PADI1: variants seen among roughly 807,000 people sequenced by gnomAD.
The protein encoded by PADI1 is peptidyl arginine deiminase 1.
Under a neutral mutation model 74.8 loss-of-function variants are expected in PADI1, and 65 were observed. The observed-to-expected ratio is 0.87, with a 90% CI of 0.71 to 1.07. The LOEUF is 1.07. Ranked by LOEUF, PADI1 falls within the 50% of genes least tolerant of loss-of-function variation. PADI1 has a pLI of 0.00. For synonymous variants in PADI1, 371 were observed against 336.2 expected (o/e 1.10, Z -1.13); for missense variants, 943 against 854.0 (o/e 1.10, Z -1.30).
At chr1:17,215,111 G>C (rs1487452408) in intron 1 of PADI1, among the ~76,000 whole-genome samples, 1 of 152,146 alleles carries the variant, frequency 6.6e-6, no homozygotes, top group Non-Finnish European at 1.5e-5. Context: ...CTGGGCCTCA[G>C]ACCTGCATAG....
At chr1:17,227,890 A>G (rs574027058) in intron 6 of PADI1, among the ~76,000 whole-genome samples, 29 of 152,296 alleles carry the variant, frequency 1.9e-4, no homozygotes, top group African/African-American at 7.0e-4. Flanking sequence ...GAAATTCCCT[A>G]TCTGGATATT....
intron 6 of PADI1, among the ~76,000 whole-genome samples, chr1:17,226,420 G>C (rs1261103910): frequency 2.0e-5 from 3 of 152,170 alleles, no homozygotes; most frequent in Non-Finnish European, 4.4e-5. Context: ...TTCCAACCCA[G>C]GTGTCTTGGG....
chr1:17,229,512 C>A (rs185022698), intron 8 of PADI1, among the ~76,000 whole-genome samples: 1 of 152,232 alleles, frequency 6.6e-6, no homozygotes, highest in African/African-American at 2.4e-5. Flanking sequence ...TCATCATGCC[C>A]TTGAGGGAAG....
At chr1:17,221,882 C>CA (rs2072161175) in intron 1 of PADI1, among the ~76,000 whole-genome samples, 1 of 152,214 alleles carries the variant, frequency 6.6e-6, no homozygotes, top group South Asian at 2.1e-4. Flanking sequence ...AAAGGAACAA[C>CA]ACGCTCTGCT....
chr1:17,217,042 G>A (rs891791751), intron 1 of PADI1, among the ~76,000 whole-genome samples: 3 of 147,252 alleles, frequency 2.0e-5, no homozygotes, highest in Non-Finnish European at 4.5e-5. Context: ...GAGGAGAGGA[G>A]GAGAGGGGAG....
At chr1:17,235,526 G>A (rs2100512365) in intron 11 of PADI1, among the ~76,000 whole-genome samples, 1 of 152,296 alleles carries the variant, frequency 6.6e-6, no homozygotes. Flanking sequence ...CTGTTCAGAT[G>A]CCTCATGGGG....
chr1:17,210,869 T>C (rs1569744166), intron 1 of PADI1, among the ~76,000 whole-genome samples: 1 of 152,136 alleles, frequency 6.6e-6, no homozygotes. Context: ...TGCCCACACC[T>C]CCCATCTCAA....
chr1:17,225,274 T>C (rs1306484599), intron 4 of PADI1, among the ~76,000 whole-genome samples: 3 of 152,146 alleles, frequency 2.0e-5, no homozygotes, highest in Non-Finnish European at 4.4e-5. Context: ...GGGAGGTGTG[T>C]TGGGGACAGC....
intron 11 of PADI1, among the ~76,000 whole-genome samples, chr1:17,235,595 G>A (rs1569839526): frequency 6.6e-6 from 1 of 152,098 alleles, no homozygotes; most frequent in Non-Finnish European, 1.5e-5. Context: ...CTCAGAGGAT[G>A]CAGGCTCAGG....
intron 12 of PADI1, 30 bp downstream of exon 12, chr1:17,237,488 C>T: frequency 6.3e-7 from 1 of 1,584,926 alleles, no homozygotes; most frequent in Non-Finnish European, 8.6e-7. Context: ...GCCTGAGCCA[C>T]CTCTGCCCTT....
At chr1:17,219,404 A>G (rs931833683) in intron 1 of PADI1, among the ~76,000 whole-genome samples, 2 of 152,084 alleles carry the variant, frequency 1.3e-5, no homozygotes, top group African/African-American at 4.8e-5. Flanking sequence ...GAGCTGGAAT[A>G]TTGGGAAGCG....
chr1:17,206,110 G>A (rs1287879212), intron 1 of PADI1, among the ~76,000 whole-genome samples: 1 of 152,210 alleles, frequency 6.6e-6, no homozygotes, highest in Admixed American at 6.5e-5. Context: ...CTGAGAGGCT[G>A]TCTATGGATT....
At chr1:17,228,840 TG>T in intron 7 of PADI1, 43 bp downstream of exon 7, 2 of 1,571,484 alleles carry the variant, frequency 1.3e-6, no homozygotes, top group East Asian at 2.3e-5. Flanking sequence ...CTGAGGGGTT[TG>T]GGGGCCCAGT....
chr1:17,240,611 C>T, intron 14 of PADI1, 24 bp from the exon 15 acceptor site: 1 of 1,612,150 alleles, frequency 6.2e-7, no homozygotes, highest in Middle Eastern at 1.7e-4. Context: ...TAGTCCTGGG[C>T]TGCCCAGCTG....
chr1:17,225,362 C>T (rs2100460112), intron 4 of PADI1, among the ~76,000 whole-genome samples: 1 of 152,314 alleles, frequency 6.6e-6, no homozygotes, highest in South Asian at 2.1e-4. Flanking sequence ...GCCTGCAGGA[C>T]TGCATGCGGA....
chr1:17,230,717 G>A (rs755023379), intron 10 of PADI1, 38 bp downstream of exon 10: 35 of 1,259,042 alleles, frequency 2.8e-5, no homozygotes, highest in Non-Finnish European at 3.8e-5. Flanking sequence ...ACCCTGGTTG[G>A]GTCCTCCTGG....
In PADI1 at chr1:17,230,137, C is replaced by G. The variant is rs774361196; in HGVS notation, c.982C>G (p.Leu328Val). 3 of 1,614,004 alleles carry G rather than the reference C, an allele frequency of 1.9e-6. No homozygotes were observed. The highest frequency in any genetic ancestry group is 2.5e-6 in the Non-Finnish European group (3 of 1,179,864). ...NEKFLEDMSY[L>V]TLKANCKLTI... Reference sequence around the variant, plus strand: ...GAAATTCCTGGAGGACATGTCTTATCTGACATTGAAAGCCAACTGCAAGCT... The same window carrying G: ...GAAATTCCTGGAGGACATGTCTTATGTGACATTGAAAGCCAACTGCAAGCT... Residue 328 changes from leucine (L) to valine (V), a missense_variant, in exon 9 of 16, where the codon CTG becomes GTG. Leu to Val is a conservative substitution (Grantham distance 32). Transcript: ENST00000375471.
rs566339310 is a variant in PADI1 at position 17,219,889 on chromosome 1, C to A, written c.93-2401C>A. Among the ~76,000 whole-genome samples the A allele has an allele frequency of 2.6e-5, 4 of 152,050 alleles. No homozygotes were observed. In the South Asian group the frequency reaches 6.3e-4, roughly 24 times the overall value. On this transcript the variant is annotated intron_variant, in intron 1 of 15. Transcript: ENST00000375471. ...CATGCCTGCTATTGGGGGCAGGCTTCTTTTACAGTACAAGATCAAGGAAAC... is the reference window on the plus strand; with the variant it reads ...CATGCCTGCTATTGGGGGCAGGCTTATTTTACAGTACAAGATCAAGGAAAC...
At chr1:17,209,641 T>G (rs1166701283) in intron 1 of PADI1, among the ~76,000 whole-genome samples, 1 of 152,020 alleles carries the variant, frequency 6.6e-6, no homozygotes, top group African/African-American at 2.4e-5. Flanking sequence ...TTCCTGGCAT[T>G]TCCTGGATCC....
Sources: allele counts gnomAD v4.1 joint callset (sites outside exome capture counted in the v4.1 genomes callset), GRCh38; gene constraint gnomAD v4.1.1; transcripts MANE v1.5; gene names NCBI Gene and HGNC (gene_info 2026-07-23, HGNC 2026-07-21).